CDH12: variants seen among roughly 807,000 people sequenced by gnomAD.
The protein encoded by CDH12 is cadherin-12.
A neutral mutation model predicts 74.1 loss-of-function variants in CDH12; 41 were observed. That is an observed-to-expected ratio of 0.55 (90% confidence interval 0.43 to 0.72). CDH12 has a LOEUF of 0.72. Ranked by LOEUF, CDH12 falls within the 30% of genes least tolerant of loss-of-function variation. CDH12 has a pLI of 0.00. For missense variants in CDH12, 945 were observed against 977.2 expected (o/e 0.97, Z 0.44); for synonymous variants, 399 against 355.0 (o/e 1.12, Z -1.39).
At chr5:21,884,275 G>A in intron 6 of CDH12, 2 of 1,465,918 alleles carry the variant, frequency 1.4e-6, no homozygotes, top group Non-Finnish European at 1.9e-6. Flanking sequence ...GGTGCAATGG[G>A]TGGAATGGGA....
chr5:22,292,147 A>T (rs771950662), intron 3 of CDH12, among the ~76,000 whole-genome samples: 1 of 152,122 alleles, frequency 6.6e-6, no homozygotes, highest in African/African-American at 2.4e-5. Flanking sequence ...AGATATCTGC[A>T]TTTAGAAGAA....
intron 6 of CDH12, among the ~76,000 whole-genome samples, chr5:21,949,372 C>G (rs1227155902): frequency 6.6e-6 from 1 of 151,030 alleles, no homozygotes; most frequent in Non-Finnish European, 1.5e-5. Flanking sequence ...ATGGCGTGAA[C>G]CCAGGAGGCG....
In CDH12 at chr5:21,762,976, C is replaced by G. The variant is rs890139128; in HGVS notation, c.1515+2002G>C. Among the ~76,000 whole-genome samples the G allele has an allele frequency of 1.5e-4, 23 of 151,120 alleles. 1 individual carries two copies. Among genetic ancestry groups the G allele is most frequent in the Admixed American group, 4.6e-4 (7 of 15,094 alleles). ...AACCTCTTCAAACTCCCAAAACAAC[C>G]AAATCAGGTTATTTATTCAGGCCCA... On this transcript the variant is annotated intron_variant, in intron 12 of 14. Transcript: ENST00000382254.
At chr5:22,245,008 T>A (rs2150383527) in intron 3 of CDH12, among the ~76,000 whole-genome samples, 1 of 152,144 alleles carries the variant, frequency 6.6e-6, no homozygotes, top group Middle Eastern at 3.4e-3. Context: ...CAGGGCCCGC[T>A]GATATGGTGG....
chr5:22,245,557 A>G (rs971990079), intron 3 of CDH12, among the ~76,000 whole-genome samples: 2 of 152,112 alleles, frequency 1.3e-5, no homozygotes, highest in South Asian at 4.1e-4. Flanking sequence ...CAGTTTGTAC[A>G]AGGACGAGAG....
At chr5:22,613,689 C>T (rs554326121) in intron 1 of CDH12, among the ~76,000 whole-genome samples, 19 of 152,112 alleles carry the variant, frequency 1.2e-4, no homozygotes, top group Middle Eastern at 3.4e-3. Context: ...AATACATACA[C>T]GGCAAAATAA....
intron 3 of CDH12, among the ~76,000 whole-genome samples, chr5:22,252,659 T>C (rs191910620): frequency 1.1e-4 from 16 of 152,176 alleles, no homozygotes; most frequent in Non-Finnish European, 2.4e-4. Flanking sequence ...GAACCATCAG[T>C]ACCTCTTCAA....
At position 22,771,393 on chromosome 5, in the gene CDH12, G is replaced by A. The variant is rs373151637; in HGVS notation, c.-523+81665C>T. Among the ~76,000 whole-genome samples the A allele has an allele frequency of 1.4e-4, 21 of 152,146 alleles. No individual in the cohort carries two copies. In the East Asian group the frequency reaches 2.9e-3, roughly 21 times the overall value. The stretch of plus-strand genomic sequence containing the variant: ...TAGAAGAAGGATATAAAACCTGAAA[G>A]AAGAGAAGGTTCTTAACAAAAGCCC... On this transcript the variant is annotated intron_variant, in intron 1 of 14. Transcript: ENST00000382254.
intron 3 of CDH12, among the ~76,000 whole-genome samples, chr5:22,324,499 T>C (rs1437664976): frequency 6.6e-6 from 1 of 151,948 alleles, no homozygotes; most frequent in Non-Finnish European, 1.5e-5. Context: ...TACTAAGTTA[T>C]CATGGTTGTA....
At chr5:22,562,877 T>G (rs944044395) in intron 1 of CDH12, among the ~76,000 whole-genome samples, 4 of 148,534 alleles carry the variant, frequency 2.7e-5, no homozygotes, top group Non-Finnish European at 6.0e-5. Context: ...TTTTTATAAA[T>G]TTAAATTTAT....
At chr5:22,374,191 C>G (rs753740754) in intron 3 of CDH12, among the ~76,000 whole-genome samples, 2 of 151,784 alleles carry the variant, frequency 1.3e-5, no homozygotes, top group Non-Finnish European at 2.9e-5. Context: ...TTCACATTAA[C>G]AGAACAAAGG....
intron 4 of CDH12, among the ~76,000 whole-genome samples, chr5:22,093,553 G>C (rs1363373974): frequency 6.6e-6 from 1 of 152,066 alleles, no homozygotes; most frequent in Non-Finnish European, 1.5e-5. Context: ...TATTTATATT[G>C]TTTTTAGAAT....
intron 3 of CDH12, among the ~76,000 whole-genome samples, chr5:22,382,837 T>C (rs1255514544): frequency 6.6e-6 from 1 of 152,042 alleles, no homozygotes; most frequent in African/African-American, 2.4e-5. Context: ...TTATTATTAT[T>C]ATTATTTTTT....
At chr5:22,681,505 A>C (rs944315125) in intron 1 of CDH12, among the ~76,000 whole-genome samples, 1 of 152,010 alleles carries the variant, frequency 6.6e-6, no homozygotes, top group Admixed American at 6.6e-5. Flanking sequence ...CAAGATCGGG[A>C]TCTGTCACAT....
At chr5:22,402,621 GA>G (rs1742776334) in intron 3 of CDH12, among the ~76,000 whole-genome samples, 1 of 152,194 alleles carries the variant, frequency 6.6e-6, no homozygotes, top group African/African-American at 2.4e-5. Context: ...TTCTGTGTGA[GA>G]AGGAATCAGC....
chr5:22,225,814 T>G (rs540286428), intron 3 of CDH12, among the ~76,000 whole-genome samples: 2 of 152,234 alleles, frequency 1.3e-5, no homozygotes, highest in South Asian at 4.1e-4. Flanking sequence ...CTCACTTGAT[T>G]AAAGATTTAA....
chr5:22,444,545 T>C (rs1350204554), intron 2 of CDH12, among the ~76,000 whole-genome samples: 2 of 151,712 alleles, frequency 1.3e-5, no homozygotes, highest in African/African-American at 4.8e-5. Flanking sequence ...AACAGTTTTT[T>C]TTTTTTTTTC....
chr5:22,115,927 T>A (rs1745072188), intron 4 of CDH12, among the ~76,000 whole-genome samples: 1 of 152,112 alleles, frequency 6.6e-6, no homozygotes, highest in African/African-American at 2.4e-5. Context: ...CTTGACCTTG[T>A]GATCCGCCTG....
chr5:22,401,143 T>G (rs572112158), intron 3 of CDH12, among the ~76,000 whole-genome samples: 1 of 152,328 alleles, frequency 6.6e-6, no homozygotes, highest in East Asian at 1.9e-4. Flanking sequence ...CTCAGACAAC[T>G]ATTTCAACTT....
Sources: gnomAD v4.1 joint callset for allele counts (sites outside exome capture counted in the v4.1 genomes callset) on GRCh38, gnomAD v4.1.1 for gene constraint, MANE v1.5 for transcripts, NCBI Gene and HGNC (gene_info 2026-07-23, HGNC 2026-07-21) for gene names.